MATN2: variants seen among roughly 807,000 people sequenced by gnomAD.
The protein encoded by MATN2 is matrilin-2.
A neutral mutation model predicts 103.2 loss-of-function variants in MATN2; 69 were observed. That is an observed-to-expected ratio of 0.67 (90% CI 0.55 to 0.82). The LOEUF (loss-of-function observed/expected upper bound fraction) is 0.82, where lower values mean the gene tolerates loss of function less well. Among genes scored for constraint, MATN2 ranks in the 40% least tolerant of loss-of-function variants. The probability of loss-of-function intolerance (pLI) is 0.00; values close to 1 mark genes in which losing one functional copy is unlikely to be tolerated. For missense variants in MATN2, 1,023 were observed against 1,211.5 expected, an observed-to-expected ratio of 0.84 and a Z score of 2.31; for synonymous variants, 429 against 450.2, an observed-to-expected ratio of 0.95 and a Z score of 0.60.
intron 4 of MATN2, among the ~76,000 whole-genome samples, chr8:97,944,446 G>T (rs943475070): frequency 6.6e-6 from 1 of 152,168 alleles, no homozygotes; most frequent in Non-Finnish European, 1.5e-5. Context: ...TTCAGAAGGG[G>T]ATAATACTAA....
intron 7 of MATN2, among the ~76,000 whole-genome samples, chr8:97,998,612 G>GT (rs1350995160): frequency 6.8e-6 from 1 of 146,426 alleles, no homozygotes; most frequent in Non-Finnish European, 1.5e-5. Context: ...TATTTTTATT[G>GT]TATGTGCTGC....
chr8:97,878,332 G>A (rs1021547908), intron 1 of MATN2, among the ~76,000 whole-genome samples: 6 of 152,162 alleles, frequency 3.9e-5, no homozygotes, highest in African/African-American at 1.2e-4. Context: ...GGGAGGCCAA[G>A]GCTGGAGGAT....
chr8:98,015,702 T>C (rs1332561381), intron 10 of MATN2, among the ~76,000 whole-genome samples: 1 of 152,194 alleles, frequency 6.6e-6, no homozygotes, highest in Non-Finnish European at 1.5e-5. Flanking sequence ...TCTTCCTCCA[T>C]AGCACTTTTT....
intron 2 of MATN2, among the ~76,000 whole-genome samples, chr8:97,901,549 G>A (rs144888459): frequency 1.7e-3 from 256 of 152,262 alleles, no homozygotes; most frequent in African/African-American, 4.5e-3. Flanking sequence ...CACTGCACCC[G>A]GCCCTGATAT....
At chr8:97,958,270 A>C (rs1467686338) in intron 4 of MATN2, among the ~76,000 whole-genome samples, 2 of 152,206 alleles carry the variant, frequency 1.3e-5, no homozygotes, top group Admixed American at 6.5e-5. Context: ...CAGACCCCTG[A>C]TGGGGCAAGG....
At chr8:97,993,221 C>G (rs780845733) in intron 6 of MATN2, among the ~76,000 whole-genome samples, 3 of 152,082 alleles carry the variant, frequency 2.0e-5, no homozygotes, top group Non-Finnish European at 2.9e-5. Flanking sequence ...TATATCTTTC[C>G]CTTACTCAGT....
intron 2 of MATN2, among the ~76,000 whole-genome samples, chr8:97,901,033 G>T (rs1009369190): frequency 6.6e-6 from 1 of 152,126 alleles, no homozygotes; most frequent in Admixed American, 6.6e-5. Context: ...GGGACTTGGT[G>T]GGGTCACCGG....
intron 5 of MATN2, among the ~76,000 whole-genome samples, chr8:97,978,494 C>T (rs1358638099): frequency 6.6e-6 from 1 of 152,154 alleles, no homozygotes; most frequent in African/African-American, 2.4e-5. Flanking sequence ...AAATTGCCTT[C>T]CAAAAGGATC....
chr8:97,872,282 A>T (rs1006200483), intron 1 of MATN2, among the ~76,000 whole-genome samples: 25 of 152,356 alleles, frequency 1.6e-4, no homozygotes, highest in Non-Finnish European at 2.6e-4. Flanking sequence ...ACCTGCATGT[A>T]AAAATCAGCG....
At chr8:98,026,307 TG>T (rs957251017) in intron 13 of MATN2, among the ~76,000 whole-genome samples, 3 of 151,308 alleles carry the variant, frequency 2.0e-5, no homozygotes, top group Non-Finnish European at 4.4e-5. Context: ...TCACCCAGAC[TG>T]AAGTGCAGCG....
chr8:98,017,245 ATGT>A (rs1813396509), intron 11 of MATN2, among the ~76,000 whole-genome samples: 1 of 152,184 alleles, frequency 6.6e-6, no homozygotes, highest in African/African-American at 2.4e-5. Context: ...ATCTTTAATA[ATGT>A]TGTTGTTGTT....
chr8:98,003,627 A>G (rs777133896), intron 7 of MATN2, 34 bp from the exon 8 acceptor site: 1 of 1,612,648 alleles, frequency 6.2e-7, no homozygotes, highest in East Asian at 2.2e-5. Context: ...AGAGGTCCAG[A>G]GTCTGAAGGA....
chr8:97,932,380 T>C (rs994491120), intron 3 of MATN2, among the ~76,000 whole-genome samples: 5 of 152,108 alleles, frequency 3.3e-5, no homozygotes, highest in Non-Finnish European at 7.4e-5. Flanking sequence ...GTCCAGCGTA[T>C]ACAGAGGACC....
At chr8:98,035,123 C>T (rs747186768) in intron 18 of MATN2, among the ~76,000 whole-genome samples, 18 of 151,840 alleles carry the variant, frequency 1.2e-4, no homozygotes, top group African/African-American at 1.9e-4. Context: ...TTTGGGAGGC[C>T]GAGGCAGGCA....
At chr8:98,010,009 C>T (rs1000507146) in intron 10 of MATN2, among the ~76,000 whole-genome samples, 4 of 152,212 alleles carry the variant, frequency 2.6e-5, no homozygotes, top group Admixed American at 6.5e-5. Flanking sequence ...GTCCGCTCCC[C>T]GCTTGATAAC....
intron 13 of MATN2, among the ~76,000 whole-genome samples, chr8:98,021,754 T>C (rs1405307438): frequency 6.6e-6 from 1 of 151,488 alleles, no homozygotes; most frequent in Non-Finnish European, 1.5e-5. Context: ...AGAGAAGATC[T>C]TTCTAAACAT....
At chr8:97,934,737 G>A (rs1243465707) in intron 3 of MATN2, among the ~76,000 whole-genome samples, 1 of 152,186 alleles carries the variant, frequency 6.6e-6, no homozygotes, top group East Asian at 1.9e-4. Context: ...TCCACATGTT[G>A]CAAGAGAAAA....
chr8:97,957,377 A>T (rs1487125832), intron 4 of MATN2, among the ~76,000 whole-genome samples: 3 of 152,284 alleles, frequency 2.0e-5, no homozygotes, highest in Non-Finnish European at 4.4e-5. Context: ...GGCCACTGCC[A>T]GAAAAACAGC....
At chr8:98,030,434 C>T in intron 14 of MATN2, 28 bp from the exon 15 acceptor site, 3 of 1,600,350 alleles carry the variant, frequency 1.9e-6, no homozygotes, top group Non-Finnish European at 2.6e-6. Flanking sequence ...CTCTAACTAA[C>T]TTGCTCTTAA....
Sources: gnomAD v4.1 joint callset for allele counts (sites outside exome capture counted in the v4.1 genomes callset) on GRCh38, gnomAD v4.1.1 for gene constraint, MANE v1.5 for transcripts, NCBI Gene and HGNC (gene_info 2026-07-23, HGNC 2026-07-21) for gene names.